The following PARP8 variants were observed in gnomAD, a reference collection of about 807,000 sequenced individuals.
The protein encoded by PARP8 is protein mono-ADP-ribosyltransferase PARP8.
Under a neutral mutation model 124.1 loss-of-function variants are expected in PARP8, and 51 were observed. That is an observed-to-expected ratio of 0.41 (90% CI 0.33 to 0.52). PARP8 has a LOEUF of 0.52. Ranked by LOEUF, PARP8 falls within the 20% of genes least tolerant of loss-of-function variation. The pLI, the probability that PARP8 is intolerant of heterozygous loss-of-function variation, is 0.21. For synonymous variants in PARP8, 391 were observed against 361.5 expected, an observed-to-expected ratio of 1.08 and a Z score of -0.93; for missense variants, 860 against 1,018.9, an observed-to-expected ratio of 0.84 and a Z score of 2.12.
intron 14 of PARP8, among the ~76,000 whole-genome samples, chr5:50,811,453 G>GTCAAT (rs1744432210): frequency 6.6e-6 from 1 of 152,054 alleles, no homozygotes. Context: ...TAGGATTGGT[G>GTCAAT]ACAAAGTGTG....
At chr5:50,708,290 G>T (rs1330166910) in intron 2 of PARP8, among the ~76,000 whole-genome samples, 1 of 151,992 alleles carries the variant, frequency 6.6e-6, no homozygotes, top group African/African-American at 2.4e-5. Flanking sequence ...CTGAGAGTAT[G>T]ATGCACATCT....
intron 23 of PARP8, chr5:50,833,510 C>A: frequency 1.2e-5 from 4 of 344,344 alleles, no homozygotes; most frequent in South Asian, 2.3e-5. Context: ...AATCTAATAT[C>A]TGAAAAAAAA....
In PARP8 at chr5:50,826,737, G is replaced by A; in HGVS notation, c.1929-18G>A. 2 of 1,574,436 alleles carry A rather than the reference G, an allele frequency of 1.3e-6. No homozygotes were observed. The highest frequency in any genetic ancestry group is 2.3e-5 in the East Asian group (1 of 42,750). On this transcript the variant is annotated intron_variant, in intron 18 of 25. Transcript: ENST00000281631. ...TATTTGGCATGTATTTGTGACTAATGGATCATTTTAATTTCAGGGTTATAT... is the reference window on the plus strand; with the variant it reads ...TATTTGGCATGTATTTGTGACTAATAGATCATTTTAATTTCAGGGTTATAT...
At position 50,845,925 on chromosome 5, in the gene PARP8, A is replaced by G. The variant is rs1748576018; in HGVS notation, c.*3857A>G. The stretch of plus-strand genomic sequence containing the variant: ...ATAGATTTGATGTATATTATTACCC[A>G]GTAAATTCTTCTTGGGAATTTTGTA... On this transcript the variant is annotated 3_prime_UTR_variant, in exon 26 of 26. Transcript: ENST00000281631. 1 of 151,792 alleles carries G rather than the reference A, an allele frequency of 6.6e-6. No individual in the cohort carries two copies. 9.4% of individuals were successfully genotyped at this position (151,792 alleles called of 1,614,324 possible).
intron 15 of PARP8, among the ~76,000 whole-genome samples, chr5:50,820,053 G>T (rs75637862): frequency 0.02 from 3,014 of 152,202 alleles, 108 homozygotes; most frequent in African/African-American, 0.069. Context: ...TGTGTCTTGT[G>T]GATATGCATG....
intron 9 of PARP8, among the ~76,000 whole-genome samples, chr5:50,783,718 A>G (rs138303824): frequency 5.3e-5 from 8 of 152,246 alleles, no homozygotes; most frequent in Middle Eastern, 3.4e-3. Context: ...TGGAATTTTT[A>G]TGGGTTGGTC....
chr5:50,715,956 A>T (rs1755267488), intron 2 of PARP8, among the ~76,000 whole-genome samples: 1 of 152,118 alleles, frequency 6.6e-6, no homozygotes, highest in South Asian at 2.1e-4. Context: ...TCTCAGTGTA[A>T]TTCCATTCCT....
At chr5:50,764,957 T>G (rs1340989870) in intron 7 of PARP8, among the ~76,000 whole-genome samples, 1 of 152,106 alleles carries the variant, frequency 6.6e-6, no homozygotes, top group Non-Finnish European at 1.5e-5. Context: ...CAACTTCTTT[T>G]TTTTTGAAAT....
intron 2 of PARP8, among the ~76,000 whole-genome samples, chr5:50,677,314 CAAAAAA>C (rs35154231): frequency 3.1e-5 from 4 of 128,964 alleles, no homozygotes; most frequent in Admixed American, 3.1e-4. Context: ...AGATATGCAG[CAAAAAA>C]AAAAAAAAAA....
At chr5:50,745,261 T>G (rs1758426209) in intron 2 of PARP8, among the ~76,000 whole-genome samples, 1 of 152,232 alleles carries the variant, frequency 6.6e-6, no homozygotes, top group South Asian at 2.1e-4. Flanking sequence ...GGTTTGGGTC[T>G]CAGATAAATG....
chr5:50,671,746 A>G (rs1579894566), intron 2 of PARP8, among the ~76,000 whole-genome samples: 1 of 152,260 alleles, frequency 6.6e-6, no homozygotes, highest in African/African-American at 2.4e-5. Flanking sequence ...ACATGAGACT[A>G]AAGAATGTTT....
intron 2 of PARP8, among the ~76,000 whole-genome samples, chr5:50,715,790 T>A (rs1019495508): frequency 1.3e-5 from 2 of 152,090 alleles, no homozygotes; most frequent in African/African-American, 4.8e-5. Context: ...AACTATTAGA[T>A]TTTTTACAAA....
At chr5:50,735,385 C>A (rs78495820) in intron 2 of PARP8, among the ~76,000 whole-genome samples, 1 of 152,098 alleles carries the variant, frequency 6.6e-6, no homozygotes, top group Non-Finnish European at 1.5e-5. Flanking sequence ...TCTAATTTTA[C>A]ATTATATGGT....
chr5:50,760,368 TA>T lies in PARP8; in HGVS notation c.345+9del. ...TACAAAAGGAAAATGGGGAGGTATG[TA>T]AATTATATTTTTTATTTTCTTGAAA... On this transcript the variant is annotated splice_region_variant and intron_variant, in intron 5 of 25. Transcript: ENST00000281631. 6.6e-7 allele frequency: 1 copy of T among 1,505,532 alleles called. No individual in the cohort carries two copies. The highest frequency in any genetic ancestry group is 9.0e-7 in the Non-Finnish European group (1 of 1,105,258). The allele number at this position is 1,505,532 out of a possible 1,614,324, so 93.3% of individuals were successfully genotyped here.
intron 25 of PARP8, among the ~76,000 whole-genome samples, chr5:50,838,201 A>G (rs1747796730): frequency 6.6e-6 from 1 of 152,120 alleles, no homozygotes; most frequent in African/African-American, 2.4e-5. Flanking sequence ...TCTGTGCAGT[A>G]ATTTTATACA....
chr5:50,742,528 A>G (rs16884855), intron 2 of PARP8, among the ~76,000 whole-genome samples: 8,969 of 152,212 alleles, frequency 0.059, 330 homozygotes, highest in South Asian at 0.18. Flanking sequence ...TGCCTTGAGG[A>G]AGTAACCATA....
chr5:50,815,658 AT>A (rs1332052021), intron 15 of PARP8, 134 bp downstream of exon 15: 33 of 536,092 alleles, frequency 6.2e-5, no homozygotes, highest in East Asian at 1.7e-4. Context: ...TTGGCATTTG[AT>A]TTTTTTTATA....
chr5:50,730,327 G>GTTCA (rs1756851270), intron 2 of PARP8, among the ~76,000 whole-genome samples: 1 of 151,732 alleles, frequency 6.6e-6, no homozygotes, highest in South Asian at 2.1e-4. Context: ...TTGACTCACA[G>GTTCA]TTCAACAGGC....
At chr5:50,715,560 A>G (rs1452729489) in intron 2 of PARP8, among the ~76,000 whole-genome samples, 1 of 151,978 alleles carries the variant, frequency 6.6e-6, no homozygotes, top group Non-Finnish European at 1.5e-5. Context: ...AAAATTGGTC[A>G]CTTAATAAGT....
Sources: allele counts gnomAD v4.1 joint callset (sites outside exome capture counted in the v4.1 genomes callset), GRCh38; gene constraint gnomAD v4.1.1; transcripts MANE v1.5; gene names NCBI Gene and HGNC (gene_info 2026-07-23, HGNC 2026-07-21).